The following DTWD2 variants were observed in gnomAD, a reference collection of about 807,000 sequenced individuals.
DTWD2 encodes the protein tRNA-uridine aminocarboxypropyltransferase 2.
Under a neutral mutation model 31.8 loss-of-function variants are expected in DTWD2, and 39 were observed. The observed-to-expected ratio is 1.22, with a 90% CI of 0.95 to 1.60. The LOEUF (loss-of-function observed/expected upper bound fraction) is 1.60. DTWD2 is among the 40% of genes most tolerant of loss of function. DTWD2 has a pLI of 0.00. For missense variants in DTWD2, 515 were observed against 381.5 expected (o/e 1.35, Z -2.92); for synonymous variants, 180 against 142.8 (o/e 1.26, Z -1.86).
In DTWD2 at chr5:118,851,245, A is replaced by C. The variant is rs533391951; in HGVS notation, c.598-3027T>G. 8.2e-4 allele frequency among the ~76,000 whole-genome samples: 124 copies of C among 151,794 alleles called. 1 individual carries two copies. The highest frequency in any genetic ancestry group is 2.9e-3 in the African/African-American group (120 of 41,408). ...AAAAAAAAAAAAAAAAAAAGAAAGA[A>C]AAAACTATCAGGGTAACCCACCCCC... On this transcript the variant is annotated intron_variant, in intron 4 of 5. Transcript: ENST00000510708.
intron 4 of DTWD2, among the ~76,000 whole-genome samples, chr5:118,880,585 C>A (rs146803888): frequency 1.3e-5 from 2 of 152,076 alleles, no homozygotes; most frequent in East Asian, 1.9e-4. Context: ...CAAACACATA[C>A]CACTGGAAAA....
At chr5:118,975,474 C>T (rs1361678595) in intron 1 of DTWD2, among the ~76,000 whole-genome samples, 1 of 152,054 alleles carries the variant, frequency 6.6e-6, no homozygotes, top group African/African-American at 2.4e-5. Flanking sequence ...TTAGAATATG[C>T]TCCTTTAGCT....
chr5:118,852,539 G>C (rs1752034591), intron 4 of DTWD2, among the ~76,000 whole-genome samples: 1 of 151,994 alleles, frequency 6.6e-6, no homozygotes, highest in South Asian at 2.1e-4. Flanking sequence ...CAAGTCAGAA[G>C]GGCTATTATT....
At chr5:118,961,856 TAAAGA>T (rs1322220438) in intron 1 of DTWD2, among the ~76,000 whole-genome samples, 1 of 152,202 alleles carries the variant, frequency 6.6e-6, no homozygotes, top group African/African-American at 2.4e-5. Flanking sequence ...TGCTACAAAG[TAAAGA>T]AAATATATTG....
At chr5:118,973,904 G>A (rs376056662) in intron 1 of DTWD2, 297 of 1,607,842 alleles carry the variant, frequency 1.8e-4, no homozygotes, top group Non-Finnish European at 2.4e-4. Context: ...CCCTGCTAAC[G>A]GGAATGCTAA....
Position 118,988,479 on chromosome 5 carries a change from C to T in DTWD2, c.33G>A (p.Gln11=), listed in dbSNP as rs747444629. Reference sequence around the variant, plus strand: ...CCCCAGAAGGCCGCGCAACGGGCTCCTGGAGTGTTCGTGCCTCTTTCTGCG... The same window carrying T: ...CCCCAGAAGGCCGCGCAACGGGCTCTTGGAGTGTTCGTGCCTCTTTCTGCG... MESQKEARTL[Q]EPVARPSGAS... The change falls in exon 1 of 6, where the codon CAG becomes CAA. Residue 11 remains glutamine, a synonymous_variant. Transcript: ENST00000510708. 1.3e-5 allele frequency: 21 copies of T among 1,601,260 alleles called. No individual in the cohort carries two copies. In the Admixed American group the frequency reaches 3.2e-4, roughly 25 times the overall value.
chr5:118,974,364 A>G (rs1755095410), intron 1 of DTWD2, among the ~76,000 whole-genome samples: 1 of 152,168 alleles, frequency 6.6e-6, no homozygotes, highest in African/African-American at 2.4e-5. Context: ...TTTTCTTAAA[A>G]GTACTTTAAA....
intron 4 of DTWD2, among the ~76,000 whole-genome samples, 178 bp downstream of exon 4, chr5:118,928,359 T>C (rs1191780837): frequency 6.6e-6 from 1 of 151,958 alleles, no homozygotes; most frequent in African/African-American, 2.4e-5. Context: ...ATATTCAAAA[T>C]ACATATATAT....
At chr5:118,850,618 T>C (rs1751979094) in intron 4 of DTWD2, among the ~76,000 whole-genome samples, 1 of 151,752 alleles carries the variant, frequency 6.6e-6, no homozygotes, top group African/African-American at 2.4e-5. Flanking sequence ...AAAGAATTTA[T>C]TACTAAGTCC....
At chr5:118,907,913 T>C (rs1454238048) in intron 4 of DTWD2, among the ~76,000 whole-genome samples, 2 of 152,094 alleles carry the variant, frequency 1.3e-5, no homozygotes, top group Non-Finnish European at 2.9e-5. Context: ...ACTCGATCAA[T>C]AAAAATGTTA....
intron 1 of DTWD2, among the ~76,000 whole-genome samples, chr5:118,970,193 G>A (rs142254867): frequency 7.8e-4 from 119 of 152,328 alleles, no homozygotes; most frequent in Non-Finnish European, 1.5e-3. Flanking sequence ...TTGGGAGGCC[G>A]AGGCAGGCAG....
At position 118,840,797 on chromosome 5, in the gene DTWD2, G is replaced by C; in HGVS notation, c.*120C>G. 1 of 1,022,034 alleles carries C rather than the reference G, an allele frequency of 9.8e-7. No individual in the cohort carries two copies. Among genetic ancestry groups the C allele is most frequent in the South Asian group, 2.3e-5 (1 of 43,722 alleles). The allele number at this position is 1,022,034 out of a possible 1,614,324, so 63.3% of individuals were successfully genotyped here. On this transcript the variant is annotated 3_prime_UTR_variant, in exon 6 of 6. Coordinates refer to ENST00000510708, the MANE Select transcript of DTWD2 (RefSeq NM_173666.4). ...TGGTTTACTTCCTTCTTCTGGGTAA[G>C]ATTAGTATGCAATTCTCCTTCTTTA...
At chr5:118,861,054 C>T (rs1752249316) in intron 4 of DTWD2, among the ~76,000 whole-genome samples, 1 of 152,262 alleles carries the variant, frequency 6.6e-6, no homozygotes, top group East Asian at 1.9e-4. Flanking sequence ...TAGAATTGGG[C>T]TTTAAAGGAC....
At chr5:118,907,264 T>C (rs1044240832) in intron 4 of DTWD2, among the ~76,000 whole-genome samples, 3 of 152,240 alleles carry the variant, frequency 2.0e-5, no homozygotes, top group African/African-American at 7.2e-5. Context: ...CTGGGATTAA[T>C]TTTTGTTCAA....
At chr5:118,965,909 C>T (rs770227873) in intron 1 of DTWD2, among the ~76,000 whole-genome samples, 25 of 148,842 alleles carry the variant, frequency 1.7e-4, no homozygotes, top group Non-Finnish European at 3.1e-4. Context: ...TCCCCCTCTG[C>T]GAGAAACACC....
intron 5 of DTWD2, among the ~76,000 whole-genome samples, chr5:118,845,852 T>C (rs985462454): frequency 6.6e-6 from 1 of 152,218 alleles, no homozygotes; most frequent in Non-Finnish European, 1.5e-5. Flanking sequence ...TTCCTTTTTT[T>C]TGTTTGTTTG....
intron 4 of DTWD2, among the ~76,000 whole-genome samples, chr5:118,918,540 G>GA (rs1430465507): frequency 6.6e-6 from 1 of 151,708 alleles, no homozygotes; most frequent in Non-Finnish European, 1.5e-5. Context: ...TATAGAAACA[G>GA]AATCAAAGTT....
chr5:118,853,469 T>G (rs896423008), intron 4 of DTWD2, among the ~76,000 whole-genome samples: 3 of 152,116 alleles, frequency 2.0e-5, no homozygotes, highest in Non-Finnish European at 4.4e-5. Flanking sequence ...TGCAGCCCTA[T>G]TCATAATAGC....
chr5:118,975,321 A>G (rs1009257468), intron 1 of DTWD2, among the ~76,000 whole-genome samples: 15 of 151,856 alleles, frequency 9.9e-5, no homozygotes, highest in Non-Finnish European at 1.6e-4. Context: ...CGATTTGGCT[A>G]CTGATACTTG....
Sources: allele counts gnomAD v4.1 joint callset (sites outside exome capture counted in the v4.1 genomes callset), GRCh38; gene constraint gnomAD v4.1.1; transcripts MANE v1.5; gene names NCBI Gene and HGNC (gene_info 2026-07-23, HGNC 2026-07-21).